Variants in TSPAN5 observed in about 807,000 individuals in gnomAD.
TSPAN5 encodes the protein tetraspanin 5.
A neutral mutation model predicts 37.1 loss-of-function variants in TSPAN5; 10 were observed. That is an observed-to-expected ratio of 0.27 (90% confidence interval 0.17 to 0.46). The LOEUF is 0.46. TSPAN5 is among the 20% of genes least tolerant of loss of function. The pLI, the probability that TSPAN5 is intolerant of heterozygous loss-of-function variation, is 1.00. For synonymous variants in TSPAN5, 110 were observed against 118.9 expected (o/e 0.93, Z 0.48); for missense variants, 195 against 326.6 (o/e 0.60, Z 3.11).
chr4:98,503,675 T>C (rs116082170), intron 2 of TSPAN5, among the ~76,000 whole-genome samples: 3,125 of 152,314 alleles, frequency 0.021, 114 homozygotes, highest in African/African-American at 0.07. Context: ...GTAGCATTTA[T>C]TGCAGTGTAT....
chr4:98,601,217 G>C (rs894424663), intron 1 of TSPAN5, among the ~76,000 whole-genome samples: 1 of 152,192 alleles, frequency 6.6e-6, no homozygotes, highest in South Asian at 2.1e-4. Flanking sequence ...ATGATCATTG[G>C]CTTCAACTTA....
At position 98,609,287 on chromosome 4, in the gene TSPAN5, T is replaced by G. The variant is rs1756123628; in HGVS notation, c.81+48859A>C. Among the ~76,000 whole-genome samples the G allele has an allele frequency of 2.0e-5, 3 of 151,994 alleles. No homozygotes were observed. In the South Asian group the frequency reaches 6.2e-4, roughly 31 times the overall value. On this transcript the variant is annotated intron_variant, in intron 1 of 7. Coordinates refer to ENST00000305798, the MANE Select transcript of TSPAN5 (RefSeq NM_005723.4). ...GGATTTGCTGGGGGTGAGCTCTGGG[T>G]GTTGGGAGTTTTTAAAGCTCCTGCG...
rs187389322 is a variant in TSPAN5 at position 98,610,805 on chromosome 4, G to A, written c.81+47341C>T. On this transcript the variant is annotated intron_variant, in intron 1 of 7. Transcript: ENST00000305798. ...CCTAAGGCTGTTCAGGGAGGAACGA[G>A]GACTAATGTGGTAGTCAGTGCCCCG... 2.3e-3 allele frequency among the ~76,000 whole-genome samples: 352 copies of A among 152,256 alleles called. 1 individual carries two copies. The highest frequency in any genetic ancestry group is 8.0e-3 in the African/African-American group (333 of 41,536).
intron 1 of TSPAN5, among the ~76,000 whole-genome samples, chr4:98,533,099 T>C (rs1754136158): frequency 6.6e-6 from 1 of 152,206 alleles, no homozygotes; most frequent in Non-Finnish European, 1.5e-5. Context: ...GCCAGTATTT[T>C]ATTGAGGATT....
intron 2 of TSPAN5, among the ~76,000 whole-genome samples, chr4:98,504,075 A>T (rs1753418259): frequency 6.6e-6 from 1 of 152,208 alleles, no homozygotes; most frequent in African/African-American, 2.4e-5. Context: ...ACTCAGACTG[A>T]TATTAAGTAT....
intron 2 of TSPAN5, among the ~76,000 whole-genome samples, chr4:98,491,331 T>G (rs1325208151): frequency 6.6e-6 from 1 of 152,174 alleles, no homozygotes; most frequent in East Asian, 1.9e-4. Context: ...TAGGGAAAAT[T>G]AGGGATTACT....
At chr4:98,497,004 A>AC (rs1447356040) in intron 2 of TSPAN5, among the ~76,000 whole-genome samples, 3 of 151,750 alleles carry the variant, frequency 2.0e-5, no homozygotes, top group Non-Finnish European at 2.9e-5. Flanking sequence ...TGAGGGTGGG[A>AC]CCCCCATGAT....
intron 1 of TSPAN5, among the ~76,000 whole-genome samples, chr4:98,638,511 C>T (rs942367407): frequency 2.0e-5 from 3 of 152,130 alleles, no homozygotes; most frequent in Admixed American, 6.5e-5. Flanking sequence ...TGTAATACAC[C>T]GGCATTTGGT....
chr4:98,615,909 G>A (rs570096598), intron 1 of TSPAN5, among the ~76,000 whole-genome samples: 1 of 152,282 alleles, frequency 6.6e-6, no homozygotes, highest in South Asian at 2.1e-4. Flanking sequence ...AAAGTTCTGC[G>A]AAATGTCAGG....
At chr4:98,655,363 A>C (rs1462783308) in intron 1 of TSPAN5, among the ~76,000 whole-genome samples, 1 of 151,992 alleles carries the variant, frequency 6.6e-6, no homozygotes, top group Non-Finnish European at 1.5e-5. Flanking sequence ...AACTCAAGAA[A>C]CTCATTCTGT....
intron 2 of TSPAN5, among the ~76,000 whole-genome samples, chr4:98,491,171 T>C (rs1302506225): frequency 6.6e-6 from 1 of 152,206 alleles, no homozygotes; most frequent in African/African-American, 2.4e-5. Context: ...TTACCTCACA[T>C]AGTTATCATT....
chr4:98,610,803 G>A (rs1212753010), intron 1 of TSPAN5, among the ~76,000 whole-genome samples: 2 of 152,112 alleles, frequency 1.3e-5, no homozygotes, highest in Non-Finnish European at 2.9e-5. Context: ...AGGGAGGAAC[G>A]AGGACTAATG....
At chr4:98,534,369 T>C (rs1483119800) in intron 1 of TSPAN5, among the ~76,000 whole-genome samples, 2 of 152,238 alleles carry the variant, frequency 1.3e-5, no homozygotes, top group East Asian at 3.8e-4. Flanking sequence ...GACTGCACTG[T>C]GGTCTGACAG....
At chr4:98,473,123 T>C (rs551164611) in intron 7 of TSPAN5, among the ~76,000 whole-genome samples, 32 of 152,240 alleles carry the variant, frequency 2.1e-4, no homozygotes, top group Non-Finnish European at 3.1e-4. Context: ...CAATTATGAA[T>C]AATTCTGCTA....
intron 1 of TSPAN5, among the ~76,000 whole-genome samples, chr4:98,557,244 G>C (rs1372235880): frequency 6.6e-6 from 1 of 152,092 alleles, no homozygotes; most frequent in African/African-American, 2.4e-5. Flanking sequence ...AATACAAATA[G>C]GTCTGTGGTC....
chr4:98,643,414 C>CT lies in TSPAN5; in HGVS notation c.81+14731dup, dbSNP rs767327158. The stretch of plus-strand genomic sequence containing the variant: ...TGTTGTTAAGCGATACATGACTGTA[C>CT]TTTTTTTAAAAAGTCCAAGGATATA... On this transcript the variant is annotated intron_variant, in intron 1 of 7. Coordinates refer to ENST00000305798, the MANE Select transcript of TSPAN5 (RefSeq NM_005723.4). Among the ~76,000 whole-genome samples, 7 of 152,140 alleles carry CT rather than the reference C, an allele frequency of 4.6e-5. No homozygotes were observed. In the South Asian group the frequency reaches 8.3e-4, roughly 18 times the overall value.
chr4:98,598,002 A>T (rs1438429653), intron 1 of TSPAN5, among the ~76,000 whole-genome samples: 1 of 98,800 alleles, frequency 1.0e-5, no homozygotes, highest in Non-Finnish European at 1.9e-5. Context: ...TTACCTAAGC[A>T]AGCCTGGGCA....
intron 1 of TSPAN5, among the ~76,000 whole-genome samples, chr4:98,512,557 GC>G (rs1002595634): frequency 3.1e-4 from 47 of 152,274 alleles, no homozygotes; most frequent in African/African-American, 1.1e-3. Flanking sequence ...GAAGAAAATG[GC>G]CCCAGCATGT....
intron 4 of TSPAN5, among the ~76,000 whole-genome samples, chr4:98,480,635 C>T (rs141111945): frequency 9.8e-4 from 149 of 152,248 alleles, no homozygotes; most frequent in African/African-American, 3.3e-3. Flanking sequence ...GTAGTATTTC[C>T]GTTTAAAGCA....
Sources: allele counts gnomAD v4.1 joint callset (sites outside exome capture counted in the v4.1 genomes callset), GRCh38; gene constraint gnomAD v4.1.1; transcripts MANE v1.5; gene names NCBI Gene and HGNC (gene_info 2026-07-23, HGNC 2026-07-21).